The following NRG3 variants were observed in gnomAD, a reference collection of about 807,000 sequenced individuals.
The protein encoded by NRG3 is pro-neuregulin-3, membrane-bound isoform.
A neutral mutation model predicts 66.9 loss-of-function variants in NRG3; 31 were observed. That is an observed-to-expected ratio of 0.46 (90% CI 0.35 to 0.63). The LOEUF is 0.63. Among genes scored for constraint, NRG3 ranks in the 20% least tolerant of loss-of-function variants. The pLI is 0.00. For synonymous variants in NRG3, 393 were observed against 359.4 expected (o/e 1.09, Z -1.06); for missense variants, 910 against 878.9 (o/e 1.04, Z -0.45).
intron 6 of NRG3, among the ~76,000 whole-genome samples, chr10:82,973,457 A>C (rs188250131): frequency 1.3e-5 from 2 of 152,312 alleles, no homozygotes; most frequent in Admixed American, 1.3e-4. Context: ...TAAGATGTAC[A>C]TCAACTAAAA....
chr10:82,002,150 G>A (rs757537034), intron 1 of NRG3, among the ~76,000 whole-genome samples: 4 of 152,114 alleles, frequency 2.6e-5, no homozygotes, highest in Non-Finnish European at 4.4e-5. Context: ...ATTAAGACTA[G>A]CAAGACTTCA....
chr10:82,066,379 A>T (rs1219525951), intron 1 of NRG3, among the ~76,000 whole-genome samples: 2 of 151,514 alleles, frequency 1.3e-5, no homozygotes, highest in African/African-American at 2.4e-5. Context: ...GTAAATGTAC[A>T]CTCTGTCTAT....
chr10:82,728,528 C>A (rs1266226909), intron 2 of NRG3, among the ~76,000 whole-genome samples: 1 of 152,188 alleles, frequency 6.6e-6, no homozygotes, highest in African/African-American at 2.4e-5. Context: ...ATTGTGAGAT[C>A]TCCTCAGCCA....
At chr10:82,521,807 T>C (rs1486432817) in intron 2 of NRG3, among the ~76,000 whole-genome samples, 1 of 152,180 alleles carries the variant, frequency 6.6e-6, no homozygotes, top group Admixed American at 6.5e-5. Context: ...AGCTGCTTTA[T>C]CAACTAAGTT....
intron 1 of NRG3, among the ~76,000 whole-genome samples, chr10:82,032,901 T>A (rs775268429): frequency 6.6e-5 from 10 of 152,128 alleles, no homozygotes; most frequent in South Asian, 2.1e-4. Context: ...CATTCTGGAA[T>A]GTGTAACTAA....
chr10:82,255,580 C>T (rs1159825120), intron 1 of NRG3, among the ~76,000 whole-genome samples: 1 of 149,370 alleles, frequency 6.7e-6, no homozygotes, highest in East Asian at 2.0e-4. Flanking sequence ...TTCTGTAAAT[C>T]TTTTTTTTTT....
rs144144240 is a variant in NRG3 at position 82,052,869 on chromosome 10, T to C, written c.823+176706T>C. 8.5e-5 allele frequency among the ~76,000 whole-genome samples: 13 copies of C among 152,286 alleles called. No homozygotes were observed. The East Asian group carries it at 2.5e-3, about 29-fold the overall frequency. ...GAAAAAAAGTTTTCTTTTGGTCTTG[T>C]TTCCTAAAAGAAAATATAGGGCTAC... On this transcript the variant is annotated intron_variant, in intron 1 of 8. Transcript: ENST00000372141.
intron 1 of NRG3, among the ~76,000 whole-genome samples, chr10:82,077,777 G>T (rs1030467952): frequency 6.6e-6 from 1 of 152,160 alleles, no homozygotes; most frequent in African/African-American, 2.4e-5. Flanking sequence ...AATTTTTCAT[G>T]ATTTTGTTTA....
chr10:82,015,776 A>G (rs72819813), intron 1 of NRG3, among the ~76,000 whole-genome samples: 8,490 of 151,986 alleles, frequency 0.056, 334 homozygotes, highest in East Asian at 0.15. Flanking sequence ...TTATAAGGCT[A>G]GTAAATAGCC....
intron 1 of NRG3, among the ~76,000 whole-genome samples, chr10:82,172,332 C>T (rs773397602): frequency 5.9e-5 from 9 of 152,072 alleles, no homozygotes; most frequent in Non-Finnish European, 1.3e-4. Context: ...TGTTTTCTGA[C>T]AGGTACATTA....
chr10:82,718,932 C>T (rs1435896866), intron 2 of NRG3, among the ~76,000 whole-genome samples: 1 of 152,144 alleles, frequency 6.6e-6, no homozygotes, highest in Non-Finnish European at 1.5e-5. Context: ...ATAAATCCCC[C>T]AGAAACCTTT....
chr10:82,431,524 G>T (rs1286206970), intron 2 of NRG3, among the ~76,000 whole-genome samples: 1 of 152,110 alleles, frequency 6.6e-6, no homozygotes, highest in Non-Finnish European at 1.5e-5. Flanking sequence ...TAACAAAGTA[G>T]ATTTTGACAA....
rs1304191574 is a variant in NRG3, at chr10:82,985,609, G to A, written c.*4G>A. 1 of 1,607,116 alleles carries A rather than the reference G, an allele frequency of 6.2e-7. No individual in the cohort carries two copies. The highest frequency in any genetic ancestry group is 8.5e-7 in the Non-Finnish European group (1 of 1,178,814). On this transcript the variant is annotated 3_prime_UTR_variant, in exon 9 of 9. Coordinates refer to ENST00000372141, the MANE Select transcript of NRG3 (RefSeq NM_001010848.4). ...AGACTCTGCATTGACCAAGTGACTT[G>A]AGATGTAGGAATCTGTGCATTCTAT...
intron 1 of NRG3, among the ~76,000 whole-genome samples, chr10:81,939,420 AT>A (rs569420406): frequency 4.6e-5 from 7 of 151,106 alleles, no homozygotes; most frequent in African/African-American, 1.7e-4. Flanking sequence ...TTGTTAGGAG[AT>A]TTTTTTATTA....
intron 1 of NRG3, among the ~76,000 whole-genome samples, chr10:82,046,400 A>AT (rs1394548668): frequency 2.0e-5 from 1 of 50,996 alleles, no homozygotes; most frequent in African/African-American, 4.1e-5. Context: ...AATGCTTGTG[A>AT]TTTTTGTACA....
chr10:82,303,765 G>A, intron 1 of NRG3, among the ~76,000 whole-genome samples: 1 of 152,042 alleles, frequency 6.6e-6, no homozygotes, highest in South Asian at 2.1e-4. Flanking sequence ...CTACTCGGGA[G>A]GCTGAGGCAG....
intron 1 of NRG3, among the ~76,000 whole-genome samples, chr10:82,277,330 A>G (rs1034799018): frequency 6.6e-6 from 1 of 152,088 alleles, no homozygotes; most frequent in African/African-American, 2.4e-5. Flanking sequence ...AGTGTAGGAT[A>G]AGGCCACCCA....
At chr10:82,547,841 A>G (rs1014436658) in intron 2 of NRG3, among the ~76,000 whole-genome samples, 1 of 152,114 alleles carries the variant, frequency 6.6e-6, no homozygotes, top group African/African-American at 2.4e-5. Context: ...GCTATGTTTA[A>G]GTATGTACAA....
chr10:81,875,312 G>C lies in NRG3; in HGVS notation c.-29G>C, dbSNP rs1022405481. ...CCCATGCCTCTGCCGCGGCCCTCGG[G>C]GGGGCGAAGGTGAAGACCGGCTCCT... On this transcript the variant is annotated 5_prime_UTR_variant, in exon 1 of 9. Transcript: ENST00000372141. This position sits in a 1 kb window ranked among gnomAD's most constrained non-coding sequence, Gnocchi z 5.3. The C allele has an allele frequency of 1.3e-5, 13 of 984,198 alleles. No homozygotes were observed. Among genetic ancestry groups the C allele is most frequent in the African/African-American group, 3.5e-5 (2 of 56,688 alleles). The allele number at this position is 984,198 out of a possible 1,614,324, so 61.0% of individuals were successfully genotyped here.
Sources: gnomAD v4.1 joint callset for allele counts (sites outside exome capture counted in the v4.1 genomes callset) on GRCh38, gnomAD v4.1.1 for gene constraint, Gnocchi (gnomAD v3.1) non-coding constraint, MANE v1.5 for transcripts, NCBI Gene and HGNC (gene_info 2026-07-23, HGNC 2026-07-21) for gene names.